Variants in LUZP2 observed in about 807,000 individuals in gnomAD.
The protein encoded by LUZP2 is leucine zipper protein 2.
LUZP2 carries 52 observed loss-of-function variants against 51.6 expected under a neutral mutation model. That is an observed-to-expected ratio of 1.01 (90% CI 0.81 to 1.27). The LOEUF (loss-of-function observed/expected upper bound fraction) is 1.27. Among genes scored for constraint, LUZP2 ranks in the 50% most tolerant of loss-of-function variants. The pLI, the probability that LUZP2 is intolerant of heterozygous loss-of-function variation, is 0.00. For synonymous variants in LUZP2, 154 were observed against 137.3 expected (o/e 1.12, Z -0.85); for missense variants, 436 against 395.4 (o/e 1.10, Z -0.87).
intron 1 of LUZP2, among the ~76,000 whole-genome samples, chr11:24,513,138 T>C (rs1162344707): frequency 6.6e-6 from 1 of 152,212 alleles, no homozygotes; most frequent in East Asian, 1.9e-4. Flanking sequence ...ATAGATGGTA[T>C]TGATGTTTTC....
intron 1 of LUZP2, among the ~76,000 whole-genome samples, chr11:24,510,641 C>G (rs1850280396): frequency 6.6e-6 from 1 of 152,140 alleles, no homozygotes; most frequent in Admixed American, 6.6e-5. Context: ...TTCATCAACC[C>G]TTACTCTGTT....
At chr11:25,072,682 T>A (rs1361145375) in intron 10 of LUZP2, among the ~76,000 whole-genome samples, 2 of 152,086 alleles carry the variant, frequency 1.3e-5, no homozygotes, top group South Asian at 2.1e-4. Flanking sequence ...GTAGCTTTTT[T>A]AAATTAAGAG....
chr11:24,781,871 G>C (rs1564884523), intron 5 of LUZP2, among the ~76,000 whole-genome samples: 1 of 151,946 alleles, frequency 6.6e-6, no homozygotes, highest in South Asian at 2.1e-4. Flanking sequence ...TGTATGAAAA[G>C]CACCTGGGGA....
intron 9 of LUZP2, among the ~76,000 whole-genome samples, chr11:25,036,801 T>G (rs1857878913): frequency 6.6e-6 from 1 of 152,104 alleles, no homozygotes; most frequent in Non-Finnish European, 1.5e-5. Context: ...TCTATTTTAT[T>G]GCACTGGGGT....
chr11:24,583,124 T>G (rs79013451), intron 1 of LUZP2, among the ~76,000 whole-genome samples: 1 of 152,170 alleles, frequency 6.6e-6, no homozygotes, highest in Non-Finnish European at 1.5e-5. Flanking sequence ...TGTAATGATT[T>G]ACATATAATC....
intron 5 of LUZP2, among the ~76,000 whole-genome samples, chr11:24,885,623 A>T (rs561118447): frequency 6.6e-6 from 1 of 152,170 alleles, no homozygotes; most frequent in East Asian, 1.9e-4. Context: ...GTGTATTGAA[A>T]TGTGTTGCAA....
chr11:24,615,533 A>T (rs1196101860), intron 1 of LUZP2, among the ~76,000 whole-genome samples: 1 of 152,022 alleles, frequency 6.6e-6, no homozygotes, highest in African/African-American at 2.4e-5. Context: ...CAGTTTGTTT[A>T]ACCATTCATC....
At chr11:24,717,415 T>G (rs1858090921) in intron 1 of LUZP2, among the ~76,000 whole-genome samples, 1 of 151,074 alleles carries the variant, frequency 6.6e-6, no homozygotes, top group Non-Finnish European at 1.5e-5. Flanking sequence ...AATAGTTTTT[T>G]TTTTTTTTTT....
intron 1 of LUZP2, among the ~76,000 whole-genome samples, chr11:24,690,732 A>G (rs552227758): frequency 4.2e-4 from 64 of 152,158 alleles, no homozygotes; most frequent in African/African-American, 1.4e-3. Flanking sequence ...TGAGAATAGT[A>G]TACTCCTATC....
rs188141756 is a variant in LUZP2 at position 24,562,083 on chromosome 11, G to A, written c.62+64778G>A. Among the ~76,000 whole-genome samples the A allele has an allele frequency of 7.2e-5, 11 of 152,072 alleles. No homozygotes were observed. The East Asian group carries it at 2.1e-3, about 29-fold the overall frequency. On this transcript the variant is annotated intron_variant, in intron 1 of 11. Transcript: ENST00000336930. ...GATGTGAGGGAACGTTAGGCGATGA[G>A]GATTTTATGTGAGGTATCTACGTTA...
chr11:25,002,190 TC>T (rs1285310310), intron 9 of LUZP2, among the ~76,000 whole-genome samples: 4 of 152,226 alleles, frequency 2.6e-5, no homozygotes, highest in Admixed American at 1.3e-4. Context: ...TGGGTGCTGG[TC>T]CCTTGGGGAA....
At chr11:25,077,984 C>T (rs1247662998) in intron 11 of LUZP2, among the ~76,000 whole-genome samples, 1 of 152,094 alleles carries the variant, frequency 6.6e-6, no homozygotes, top group Admixed American at 6.6e-5. Context: ...TCCTCACTTC[C>T]ACCCTCCCTC....
Position 25,078,685 on chromosome 11 carries a change from C to T in LUZP2, c.*27C>T. The T allele has an allele frequency of 6.7e-7, 1 of 1,488,110 alleles. No homozygotes were observed. The highest frequency in any genetic ancestry group is 9.3e-7 in the Non-Finnish European group (1 of 1,079,100). 92.2% of individuals were successfully genotyped at this position (1,488,110 alleles called of 1,614,324 possible). A position where few individuals can be genotyped will look rare whatever the true frequency, so the allele number is the denominator to read the frequency against. The stretch of plus-strand genomic sequence containing the variant: ...TACTAAGAAACTGTGTTAAAAACGT[C>T]CATTTGCTATTGTCTTCATATTCTT... On this transcript the variant is annotated 3_prime_UTR_variant, in exon 12 of 12. Transcript: ENST00000336930.
chr11:24,896,743 G>C (rs892375175), intron 5 of LUZP2, among the ~76,000 whole-genome samples: 3 of 152,222 alleles, frequency 2.0e-5, no homozygotes, highest in African/African-American at 4.8e-5. Flanking sequence ...ATCCACTAGG[G>C]GAAGCCAGCT....
intron 1 of LUZP2, among the ~76,000 whole-genome samples, chr11:24,618,762 A>G (rs1161296003): frequency 6.6e-6 from 1 of 152,088 alleles, no homozygotes; most frequent in Non-Finnish European, 1.5e-5. Flanking sequence ...TATAATGGCC[A>G]GGGCTTTTAG....
At chr11:25,056,703 A>G (rs1858692489) in intron 10 of LUZP2, among the ~76,000 whole-genome samples, 1 of 152,174 alleles carries the variant, frequency 6.6e-6, no homozygotes, top group South Asian at 2.1e-4. Flanking sequence ...CTCAAGATCC[A>G]TTCCCATGTA....
intron 9 of LUZP2, among the ~76,000 whole-genome samples, chr11:24,988,677 A>C (rs1856251380): frequency 6.6e-6 from 1 of 152,084 alleles, no homozygotes; most frequent in South Asian, 2.1e-4. Context: ...TTCTTTTAAC[A>C]GCCCTGATAA....
intron 1 of LUZP2, among the ~76,000 whole-genome samples, chr11:24,580,765 T>A (rs1024323629): frequency 6.6e-6 from 1 of 152,150 alleles, no homozygotes; most frequent in African/African-American, 2.4e-5. Flanking sequence ...TGTTTATGAA[T>A]AGAAAAGTGT....
chr11:24,638,324 T>C (rs1031945022), intron 1 of LUZP2, among the ~76,000 whole-genome samples: 10 of 151,714 alleles, frequency 6.6e-5, no homozygotes, highest in Non-Finnish European at 1.5e-4. Context: ...ATAGAAATTA[T>C]ACTAGAAATT....
Sources: gnomAD v4.1 joint callset for allele counts (sites outside exome capture counted in the v4.1 genomes callset) on GRCh38, gnomAD v4.1.1 for gene constraint, MANE v1.5 for transcripts, NCBI Gene and HGNC (gene_info 2026-07-23, HGNC 2026-07-21) for gene names.